The following CHN2 variants were observed in gnomAD, a reference collection of about 807,000 sequenced individuals.
CHN2 encodes chimerin 2, also known as beta-chimaerin.
In CHN2, 35 loss-of-function variants were observed where a neutral mutation model predicts 56.3. The ratio of observed to expected loss-of-function variants is 0.62; its 90% CI spans 0.47 to 0.82. The LOEUF (loss-of-function observed/expected upper bound fraction) is 0.82. Ranked by LOEUF, CHN2 falls within the 40% of genes least tolerant of loss-of-function variation. The pLI is 0.00. For synonymous variants in CHN2, 210 were observed against 212.8 expected (o/e 0.99, Z 0.12); for missense variants, 491 against 580.5 (o/e 0.85, Z 1.58).
chr7:29,332,686 T>A (rs894154108), intron 1 of CHN2, among the ~76,000 whole-genome samples: 1 of 152,168 alleles, frequency 6.6e-6, no homozygotes, highest in Non-Finnish European at 1.5e-5. Flanking sequence ...AATGTCCATC[T>A]GTGTAAAGTA....
At chr7:29,206,395 C>T (rs1784520888) in intron 1 of CHN2, among the ~76,000 whole-genome samples, 1 of 152,132 alleles carries the variant, frequency 6.6e-6, no homozygotes, top group African/African-American at 2.4e-5. Flanking sequence ...ATTTCTCCTG[C>T]CTCAGCCTCC....
At chr7:29,446,571 G>A (rs1165639523) in intron 6 of CHN2, among the ~76,000 whole-genome samples, 1 of 152,174 alleles carries the variant, frequency 6.6e-6, no homozygotes, top group Non-Finnish European at 1.5e-5. Flanking sequence ...GCAGGGCCCA[G>A]GGGACTTTCT....
chr7:29,484,929 C>A (rs1471446667), intron 7 of CHN2, among the ~76,000 whole-genome samples: 1 of 152,176 alleles, frequency 6.6e-6, no homozygotes, highest in Non-Finnish European at 1.5e-5. Context: ...TTGGTCCAGG[C>A]ATAACTGCTG....
intron 6 of CHN2, among the ~76,000 whole-genome samples, chr7:29,410,717 T>C (rs1040623633): frequency 1.3e-5 from 2 of 152,186 alleles, no homozygotes; most frequent in Admixed American, 6.5e-5. Context: ...GAAAAAGTTA[T>C]AGGAGTTGAT....
chr7:29,470,110 T>C (rs1785899763), intron 6 of CHN2, among the ~76,000 whole-genome samples: 1 of 152,236 alleles, frequency 6.6e-6, no homozygotes, highest in Non-Finnish European at 1.5e-5. Context: ...GACAGTCTCT[T>C]TTCCAGAGCA....
chr7:29,347,876 T>G (rs190868834), intron 1 of CHN2, among the ~76,000 whole-genome samples: 5 of 152,308 alleles, frequency 3.3e-5, no homozygotes, highest in African/African-American at 1.2e-4. Context: ...AACAATATCA[T>G]GAAATTCAAA....
intron 1 of CHN2, among the ~76,000 whole-genome samples, chr7:29,226,702 A>G (rs956924093): frequency 2.6e-5 from 4 of 152,232 alleles, no homozygotes; most frequent in Non-Finnish European, 5.9e-5. Context: ...GACTTTTCGA[A>G]TTTCCTCTGG....
At chr7:29,292,942 A>G (rs1224637588) in intron 1 of CHN2, 1 of 456,184 alleles carries the variant, frequency 2.2e-6, no homozygotes, top group Non-Finnish European at 4.4e-6. Context: ...TGAACCCAGA[A>G]GCCCGAGAGA....
intron 1 of CHN2, among the ~76,000 whole-genome samples, chr7:29,259,326 C>CAAA (rs61063244): frequency 0.039 from 5,753 of 147,062 alleles, 358 homozygotes; most frequent in African/African-American, 0.13. Flanking sequence ...GACCTTGTCT[C>CAAA]AAAAAAAAAA....
At chr7:29,444,135 C>A (rs930736532) in intron 6 of CHN2, among the ~76,000 whole-genome samples, 3 of 152,072 alleles carry the variant, frequency 2.0e-5, no homozygotes, top group African/African-American at 7.2e-5. Flanking sequence ...AAACTTGAGT[C>A]CCTGTAACAA....
chr7:29,272,090 T>C (rs1022864949), intron 1 of CHN2, among the ~76,000 whole-genome samples: 1 of 152,150 alleles, frequency 6.6e-6, no homozygotes, highest in African/African-American at 2.4e-5. Flanking sequence ...CCTGTGGCTT[T>C]GGTGTTGCCG....
intron 3 of CHN2, among the ~76,000 whole-genome samples, chr7:29,379,967 T>A (rs1562561795): frequency 6.6e-6 from 1 of 150,394 alleles, no homozygotes; most frequent in African/African-American, 2.4e-5. Context: ...AGGTAATTTG[T>A]AAAAAAAAAA....
rs1232910584 is a variant in CHN2, at chr7:29,204,066, TC to T, written c.49+9077del. The stretch of plus-strand genomic sequence containing the variant: ...AACAAAGCACACGTTTTTCTCTCTC[TC>T]TGTGTGTGTGTGTGTGTGTGTGTGT... On this transcript the variant is annotated intron_variant, in intron 1 of 12. Transcript: ENST00000222792. 8.5e-3 allele frequency among the ~76,000 whole-genome samples: 689 copies of T among 80,788 alleles called. 8 individuals carry two copies. Among genetic ancestry groups the T allele is most frequent in the African/African-American group, 0.043 (650 of 15,228 alleles). 53.0% of individuals were successfully genotyped at this position (80,788 alleles called of 152,430 possible).
At chr7:29,472,799 T>C (rs1393040306) in intron 6 of CHN2, among the ~76,000 whole-genome samples, 1 of 152,222 alleles carries the variant, frequency 6.6e-6, no homozygotes, top group Non-Finnish European at 1.5e-5. Flanking sequence ...ATAATTTTTC[T>C]GCTTTAGATG....
At chr7:29,254,935 A>G (rs1426077326) in intron 1 of CHN2, among the ~76,000 whole-genome samples, 3 of 152,206 alleles carry the variant, frequency 2.0e-5, no homozygotes, top group Non-Finnish European at 4.4e-5. Flanking sequence ...CACCCTGTCT[A>G]GCACAGAAGT....
upstream of CHN2, chr7:29,193,116 T>G (rs1170610144): frequency 1.3e-5 from 2 of 152,216 alleles, no homozygotes; most frequent in Non-Finnish European, 2.9e-5. Flanking sequence ...CAGGGCTGTT[T>G]CAAGGTCCAT....
At chr7:29,263,151 GC>G (rs1384653891) in intron 1 of CHN2, among the ~76,000 whole-genome samples, 15 of 152,196 alleles carry the variant, frequency 9.9e-5, no homozygotes, top group East Asian at 3.9e-4. Flanking sequence ...GCCTCAGCCT[GC>G]CGAGTGCCTG....
At chr7:29,231,104 C>G (rs551142793) in intron 1 of CHN2, among the ~76,000 whole-genome samples, 2 of 152,168 alleles carry the variant, frequency 1.3e-5, no homozygotes, top group Non-Finnish European at 2.9e-5. Flanking sequence ...CGAAACAGTT[C>G]CAATAAGCTA....
rs150385592 is a variant in CHN2, at chr7:29,247,646, C to T, written c.49+52656C>T. On this transcript the variant is annotated intron_variant, in intron 1 of 12. Coordinates refer to ENST00000222792, the MANE Select transcript of CHN2 (RefSeq NM_004067.4). ...GGGTGACAGAAAACAAAACAAAATA[C>T]GCAAAAAAGCCTCACCGCCCCGATG... Among the ~76,000 whole-genome samples, 480 of 152,296 alleles carry T rather than the reference C, an allele frequency of 3.2e-3. 4 individuals carry two copies. Among genetic ancestry groups the T allele is most frequent in the African/African-American group, 0.011 (461 of 41,558 alleles).
Sources: allele counts gnomAD v4.1 joint callset (sites outside exome capture counted in the v4.1 genomes callset), GRCh38; gene constraint gnomAD v4.1.1; transcripts MANE v1.5; gene names NCBI Gene and HGNC (gene_info 2026-07-23, HGNC 2026-07-21).